Variants in PRKN observed in about 807,000 individuals in gnomAD.
The protein encoded by PRKN is E3 ubiquitin-protein ligase parkin.
PRKN carries 56 observed loss-of-function variants against 59.5 expected under a neutral mutation model. That is an observed-to-expected ratio of 0.94 (90% CI 0.76 to 1.18). The LOEUF (loss-of-function observed/expected upper bound fraction) is 1.18. PRKN is among the 50% of genes most tolerant of loss of function. The pLI is 0.00. For synonymous variants in PRKN, 250 were observed against 222.1 expected, an observed-to-expected ratio of 1.13 and a Z score of -1.12; for missense variants, 657 against 596.4, an observed-to-expected ratio of 1.10 and a Z score of -1.06.
chr6:161,569,403 G>C lies in PRKN; in HGVS notation c.885C>G (p.Asn295Lys). ...AGTGATGGAGCTCTTTAATCAAGGA[G>C]TTGGGACAGCCAGCTGTTGGAAAGA... is the stretch of plus-strand genomic sequence containing the variant. ...YSLPCVAGCPNSLIKELHHFR... is the reference protein window; with the variant it reads ...YSLPCVAGCPKSLIKELHHFR... Residue 295 changes from asparagine to lysine, a missense_variant, in exon 8 of 12, where the codon AAC becomes AAG. Transcript: ENST00000366898. 4.3e-6 allele frequency: 7 copies of C among 1,613,838 alleles called. No individual in the cohort carries two copies. Among genetic ancestry groups the C allele is most frequent in the Non-Finnish European group, 5.1e-6 (6 of 1,179,702 alleles).
intron 1 of PRKN, among the ~76,000 whole-genome samples, chr6:162,498,963 T>G (rs1793231041): frequency 6.6e-6 from 1 of 152,164 alleles, no homozygotes; most frequent in Non-Finnish European, 1.5e-5. Flanking sequence ...ATCCATTTAT[T>G]AAACAAATAT....
chr6:161,573,647 C>T (rs1985759), intron 7 of PRKN, among the ~76,000 whole-genome samples: 1 of 141,256 alleles, frequency 7.1e-6, no homozygotes, highest in Non-Finnish European at 1.5e-5. Context: ...GTGAACCCGG[C>T]AGGCGGAGCT....
rs766949960 is a variant in PRKN at position 161,352,755 on chromosome 6, G to GTGTGTGTGTGTGTA, written c.1286-2545_1286-2544insTACACACACACACA. ...TGTGTGTGTGTGTGTGTGTGTGTGTGTATATATATATATATATTTTATTTT... is the reference window on the plus strand; with the variant it reads ...TGTGTGTGTGTGTGTGTGTGTGTGTGTGTGTGTGTGTGTATATATATATATATATATTTTATTTT... On this transcript the variant is annotated intron_variant, in intron 11 of 11. Coordinates refer to ENST00000366898, the MANE Select transcript of PRKN (RefSeq NM_004562.3). This position sits in a 1 kb window ranked among gnomAD's most constrained non-coding sequence, Gnocchi z 5.8. Among the ~76,000 whole-genome samples the GTGTGTGTGTGTGTA allele has an allele frequency of 0.062, 8,285 of 134,070 alleles. 317 individuals carry two copies. The highest frequency in any genetic ancestry group is 0.098 in the Middle Eastern group (25 of 256). 88.0% of individuals were successfully genotyped at this position (134,070 alleles called of 152,430 possible).
chr6:162,647,949 CA>C (rs398003250), intron 1 of PRKN, among the ~76,000 whole-genome samples: 2,467 of 74,868 alleles, frequency 0.033, 21 homozygotes, highest in Middle Eastern at 0.059. Flanking sequence ...GTCCACAGTG[CA>C]AAAAAAAAAA....
intron 6 of PRKN, among the ~76,000 whole-genome samples, chr6:161,885,529 G>C (rs937739694): frequency 1.3e-5 from 2 of 152,052 alleles, no homozygotes; most frequent in African/African-American, 4.8e-5. Flanking sequence ...GCCAGGCGTG[G>C]TGGCGGGCCC....
Position 161,354,936 on chromosome 6 carries a change from A to G in PRKN, c.1286-4725T>C, listed in dbSNP as rs541522938. Among the ~76,000 whole-genome samples the G allele has an allele frequency of 6.6e-6, 1 of 152,048 alleles. No homozygotes were observed. Among genetic ancestry groups the G allele is most frequent in the East Asian group, 1.9e-4 (1 of 5,158 alleles). On this transcript the variant is annotated intron_variant, in intron 11 of 11. Transcript: ENST00000366898. This position sits in a 1 kb window ranked among gnomAD's most constrained non-coding sequence, Gnocchi z 6.7. The stretch of plus-strand genomic sequence containing the variant: ...AGTCACGAACCATTTGACTCCTACA[A>G]CTCCATCTTTGGAGGCTGCCAGCAT...
chr6:162,177,787 T>A (rs1783609140), intron 4 of PRKN, among the ~76,000 whole-genome samples: 1 of 152,042 alleles, frequency 6.6e-6, no homozygotes, highest in South Asian at 2.1e-4. Context: ...GACATTTGAA[T>A]CCAGTGGCAG....
At chr6:162,442,447 C>T (rs961064299) in intron 2 of PRKN, among the ~76,000 whole-genome samples, 3 of 152,134 alleles carry the variant, frequency 2.0e-5, no homozygotes, top group African/African-American at 7.2e-5. Flanking sequence ...CAAAGAATAG[C>T]GTCAACAAAT....
chr6:162,469,777 A>G (rs909708147), intron 1 of PRKN, among the ~76,000 whole-genome samples: 2 of 152,136 alleles, frequency 1.3e-5, no homozygotes, highest in Admixed American at 6.6e-5. Flanking sequence ...AATTGGGTTC[A>G]GTGTATACTG....
At chr6:162,480,821 T>G (rs893548372) in intron 1 of PRKN, among the ~76,000 whole-genome samples, 1 of 152,140 alleles carries the variant, frequency 6.6e-6, no homozygotes, top group African/African-American at 2.4e-5. Context: ...TCTCTTTTTT[T>G]TTAAGACAGA....
intron 2 of PRKN, among the ~76,000 whole-genome samples, chr6:162,349,951 GAA>G: frequency 1.3e-5 from 2 of 152,292 alleles, no homozygotes; most frequent in Middle Eastern, 6.8e-3. Flanking sequence ...GTTTCTATGT[GAA>G]AATCCTATGG....
At chr6:161,681,749 G>A (rs1342963738) in intron 7 of PRKN, among the ~76,000 whole-genome samples, 1 of 152,194 alleles carries the variant, frequency 6.6e-6, no homozygotes, top group East Asian at 1.9e-4. Context: ...GCTGTGGTCA[G>A]GACCTGCCGC....
chr6:161,548,365 T>C lies in PRKN; in HGVS notation c.1083+489A>G, dbSNP rs1190824124. Among the ~76,000 whole-genome samples the C allele has an allele frequency of 1.3e-5, 2 of 152,228 alleles. No homozygotes were observed. The highest frequency in any genetic ancestry group is 2.4e-5 in the African/African-American group (1 of 41,462). On this transcript the variant is annotated intron_variant, in intron 9 of 11. Transcript: ENST00000366898. This position sits in a 1 kb window ranked among gnomAD's most constrained non-coding sequence, Gnocchi z 4.2. ...TAAGAGACACCATTAGTTTTGTTCA[T>C]CTCTACTTAAAATGATTTTTATGAC...
Position 162,526,583 on chromosome 6 carries a change from G to C in PRKN, c.8-83110C>G, listed in dbSNP as rs34011360. Among the ~76,000 whole-genome samples the C allele has an allele frequency of 3.3e-3, 502 of 151,686 alleles. 1 individual carries two copies. The highest frequency in any genetic ancestry group is 5.1e-3 in the Non-Finnish European group (349 of 67,944). On this transcript the variant is annotated intron_variant, in intron 1 of 11. Coordinates refer to ENST00000366898, the MANE Select transcript of PRKN (RefSeq NM_004562.3). Reference sequence around the variant, plus strand: ...GAGAATCATTTGAACCCGGGAGGCGGAGGTTGCAGTGAGCCGAGATCGCGC... The same window carrying C: ...GAGAATCATTTGAACCCGGGAGGCGCAGGTTGCAGTGAGCCGAGATCGCGC...
rs545113882 is a variant in PRKN, at chr6:162,074,547, T to C, written c.535-20373A>G. ...TAATGCTAGATGACGAGTTAGTGGGTGCAGCACACCAGCATGGCACATGTA... is the reference window on the plus strand; with the variant it reads ...TAATGCTAGATGACGAGTTAGTGGGCGCAGCACACCAGCATGGCACATGTA... On this transcript the variant is annotated intron_variant, in intron 4 of 11. Coordinates refer to ENST00000366898, the MANE Select transcript of PRKN (RefSeq NM_004562.3). Among the ~76,000 whole-genome samples the C allele has an allele frequency of 2.6e-4, 40 of 151,722 alleles. No homozygotes were observed. The East Asian group carries it at 7.0e-3, about 27-fold the overall frequency.
chr6:162,218,452 A>G (rs1038066622), intron 3 of PRKN, among the ~76,000 whole-genome samples: 3 of 152,144 alleles, frequency 2.0e-5, no homozygotes, highest in Non-Finnish European at 4.4e-5. Context: ...CCTGCTGAGC[A>G]TGGCAGCCGG....
chr6:162,264,733 G>T (rs1780051313), intron 2 of PRKN: 1 of 152,184 alleles, frequency 6.6e-6, no homozygotes, highest in Admixed American at 6.6e-5. Context: ...TCCCCTGCAT[G>T]ACTTCCCAGT....
rs1282593135 is a variant in PRKN, at chr6:161,461,486, A to G, written c.1084-74609T>C. Among the ~76,000 whole-genome samples, 1 of 152,194 alleles carries G rather than the reference A, an allele frequency of 6.6e-6. No homozygotes were observed. The highest frequency in any genetic ancestry group is 1.5e-5 in the Non-Finnish European group (1 of 68,042). On this transcript the variant is annotated intron_variant, in intron 9 of 11. Transcript: ENST00000366898. This position sits in a 1 kb window ranked among gnomAD's most constrained non-coding sequence, Gnocchi z 5.1. ...TTACTAGGGGGAATACACTCAAGGC[A>G]GGAAGAGTGTAGGTTGTTCCAGTAG...
At chr6:161,874,234 ATATATAATATAT>A (rs1794525345) in intron 6 of PRKN, among the ~76,000 whole-genome samples, 9 of 22,834 alleles carry the variant, frequency 3.9e-4, no homozygotes, top group South Asian at 3.2e-3. Context: ...ATTATATATA[ATATATAATATAT>A]AATATATATT....
Sources: allele counts gnomAD v4.1 joint callset (sites outside exome capture counted in the v4.1 genomes callset), GRCh38; gene constraint gnomAD v4.1.1; non-coding constraint Gnocchi (gnomAD v3.1); transcripts MANE v1.5; gene names NCBI Gene and HGNC (gene_info 2026-07-23, HGNC 2026-07-21).